XDH: variants seen among roughly 807,000 people sequenced by gnomAD.
The protein encoded by XDH is xanthine dehydrogenase.
Under a neutral mutation model 156.1 loss-of-function variants are expected in XDH, and 138 were observed. The ratio of observed to expected loss-of-function variants is 0.88; its 90% CI spans 0.77 to 1.02. The LOEUF is 1.02. Ranked by LOEUF, XDH falls within the 50% of genes least tolerant of loss-of-function variation. The pLI is 0.00. For synonymous variants in XDH, 669 were observed against 625.7 expected (o/e 1.07, Z -1.03); for missense variants, 1,849 against 1,684.9 (o/e 1.10, Z -1.71).
rs1553411636 is a variant in XDH at position 31,343,308 on chromosome 2, A to ATATATATATGCATGTT, written c.3405-1012_3405-1011insAACATGCATATATATA. ...ACCATATATATATATATATATATAT[A>ATATATATATGCATGTT]TATATATATATATATATATGCATGT... On this transcript the variant is annotated intron_variant, in intron 31 of 35. Transcript: ENST00000379416. Among the ~76,000 whole-genome samples the ATATATATATGCATGTT allele has an allele frequency of 2.5e-3, 242 of 98,468 alleles. 3 individuals carry two copies. The highest frequency in any genetic ancestry group is 6.8e-3 in the Middle Eastern group (1 of 148). 64.6% of individuals were successfully genotyped at this position (98,468 alleles called of 152,430 possible). A position where few individuals can be genotyped will look rare whatever the true frequency, so the allele number is the denominator to read the frequency against.
rs767352182 is a variant in XDH, at chr2:31,375,502, G to C, written c.1480C>G (p.Leu494Val). 1.4e-5 allele frequency: 23 copies of C among 1,613,976 alleles called. No individual in the cohort carries two copies. The highest frequency in any genetic ancestry group is 8.9e-5 in the East Asian group (4 of 44,890). Residue 494 changes from leucine (L) to valine (V), a missense_variant, in exon 15 of 36, where the codon CTG becomes GTG. Physicochemically the swap from Leu to Val is conservative, Grantham distance 32 (BLOSUM62 1). Coordinates refer to ENST00000379416, the MANE Select transcript of XDH (RefSeq NM_000379.4). ...QDVCAGLAEELHLPPDAPGGM... is the reference protein window; with the variant it reads ...QDVCAGLAEEVHLPPDAPGGM... Reference sequence around the variant, plus strand: ...CCAGGGGCATCGGGAGGCAGATGCAGCTCCTCTGCCAGTCCTGCACACACG... The same window carrying C: ...CCAGGGGCATCGGGAGGCAGATGCACCTCCTCTGCCAGTCCTGCACACACG...
At chr2:31,403,727 G>A (rs1687124510) in intron 2 of XDH, among the ~76,000 whole-genome samples, 1 of 152,042 alleles carries the variant, frequency 6.6e-6, no homozygotes, top group Non-Finnish European at 1.5e-5. Context: ...TTTAGGTCTG[G>A]GTCCAATATT....
chr2:31,406,291 T>C (rs576240204), intron 1 of XDH, among the ~76,000 whole-genome samples: 1 of 152,300 alleles, frequency 6.6e-6, no homozygotes, highest in South Asian at 2.1e-4. Context: ...ACTGGCCATG[T>C]GATGTGCCTG....
intron 13 of XDH, among the ~76,000 whole-genome samples, chr2:31,377,552 C>T (rs1007438167): frequency 6.6e-6 from 1 of 152,106 alleles, no homozygotes; most frequent in African/African-American, 2.4e-5. Context: ...AGGGTGCTTT[C>T]ACAAAGGCTC....
At chr2:31,374,574 G>C (rs1020581267) in intron 15 of XDH, among the ~76,000 whole-genome samples, 9 of 152,206 alleles carry the variant, frequency 5.9e-5, no homozygotes, top group African/African-American at 2.2e-4. Context: ...ATACTTGGCA[G>C]TGGTTTTCTC....
At chr2:31,378,528 G>A (rs1686341496) in intron 13 of XDH, among the ~76,000 whole-genome samples, 1 of 152,126 alleles carries the variant, frequency 6.6e-6, no homozygotes, top group South Asian at 2.1e-4. Context: ...AAGAAGCCAT[G>A]GAGCCCGCTC....
intron 14 of XDH, 57 bp downstream of exon 14, chr2:31,376,993 CAAT>C (rs1201313800): frequency 3.4e-5 from 54 of 1,598,866 alleles, no homozygotes; most frequent in Non-Finnish European, 4.4e-5. Context: ...GCAGCAGTAA[CAAT>C]GATACTATTA....
At chr2:31,402,859 C>A (rs1326857552) in intron 3 of XDH, among the ~76,000 whole-genome samples, 189 bp downstream of exon 3, 3 of 152,110 alleles carry the variant, frequency 2.0e-5, no homozygotes, top group Non-Finnish European at 4.4e-5. Flanking sequence ...GGAGCCTGGT[C>A]AATATTATAA....
intron 13 of XDH, among the ~76,000 whole-genome samples, chr2:31,378,097 A>G (rs1427862178): frequency 1.7e-5 from 1 of 59,394 alleles, no homozygotes; most frequent in African/African-American, 7.3e-5. Context: ...AAAGAAAGAA[A>G]GAAAGAAAGA....
chr2:31,410,903 A>T (rs1233866994), intron 1 of XDH, among the ~76,000 whole-genome samples: 2 of 152,216 alleles, frequency 1.3e-5, no homozygotes, highest in Non-Finnish European at 2.9e-5. Context: ...AGTATTGGGA[A>T]AATTGGAATA....
At chr2:31,338,488 C>A (rs767177768) in intron 34 of XDH, among the ~76,000 whole-genome samples, 1 of 152,096 alleles carries the variant, frequency 6.6e-6, no homozygotes, top group Non-Finnish European at 1.5e-5. Flanking sequence ...TAAAGTATGA[C>A]AGTCAATGGC....
At chr2:31,345,538 C>T (rs1477883445) in intron 30 of XDH, among the ~76,000 whole-genome samples, 1 of 152,192 alleles carries the variant, frequency 6.6e-6, no homozygotes, top group Non-Finnish European at 1.5e-5. Context: ...CGCTATTTAG[C>T]ACTTTGCATA....
At chr2:31,354,070 T>C (rs1685562869) in intron 24 of XDH, among the ~76,000 whole-genome samples, 1 of 152,142 alleles carries the variant, frequency 6.6e-6, no homozygotes, top group Non-Finnish European at 1.5e-5. Context: ...CACAAGCCAG[T>C]GGTAAAGAGG....
At chr2:31,364,321 TC>T in intron 23 of XDH, 77 bp from the exon 24 acceptor site, 1 of 1,407,712 alleles carries the variant, frequency 7.1e-7, no homozygotes. Context: ...TGATCCTCCC[TC>T]CCACTTATGT....
intron 12 of XDH, among the ~76,000 whole-genome samples, chr2:31,381,114 G>A (rs1686426945): frequency 6.6e-6 from 1 of 152,018 alleles, no homozygotes; most frequent in Non-Finnish European, 1.5e-5. Flanking sequence ...TCTTGACTCA[G>A]CCTCTCAAGG....
Position 31,405,932 on chromosome 2 carries a change from G to A in XDH, c.75C>T (p.Thr25=), listed in dbSNP as rs781399387. Reference sequence around the variant, plus strand: ...ACTTTCTTCTCAGGTAGGCCAAAAGGGTTGTCTCTGGATCTGCATTTTTCT... The same window carrying A: ...ACTTTCTTCTCAGGTAGGCCAAAAGAGTTGTCTCTGGATCTGCATTTTTCT... ...VVEKNADPET[T]LLAYLRRKLG... Residue 25 remains threonine, a synonymous_variant, in exon 2 of 36, where the codon ACC becomes ACT. Coordinates refer to ENST00000379416, the MANE Select transcript of XDH (RefSeq NM_000379.4). 1 of 1,613,886 alleles carries A rather than the reference G, an allele frequency of 6.2e-7. No individual in the cohort carries two copies. Among genetic ancestry groups the A allele is most frequent in the Admixed American group, 1.7e-5 (1 of 59,984 alleles).
intron 34 of XDH, 131 bp downstream of exon 34, chr2:31,339,358 C>G (rs1283706261): frequency 3.1e-6 from 4 of 1,300,446 alleles, no homozygotes; most frequent in Non-Finnish European, 3.3e-6. Flanking sequence ...AGGTCAGTGT[C>G]AAACCATCTT....
At position 31,364,138 on chromosome 2, in the gene XDH, C is replaced by G; in HGVS notation, c.2631+20G>C. 2 of 1,612,534 alleles carry G rather than the reference C, an allele frequency of 1.2e-6. No individual in the cohort carries two copies. Among genetic ancestry groups the G allele is most frequent in the Non-Finnish European group, 1.7e-6 (2 of 1,179,280 alleles). ...TCGAAGTCAGCTCTGGGTGCAGGGG[C>G]GGCTGCAGGTCCTACTCACACTCTG... On this transcript the variant is annotated intron_variant, in intron 24 of 35. Coordinates refer to ENST00000379416, the MANE Select transcript of XDH (RefSeq NM_000379.4).
At chr2:31,355,365 G>C (rs1685596167) in intron 24 of XDH, among the ~76,000 whole-genome samples, 1 of 152,078 alleles carries the variant, frequency 6.6e-6, no homozygotes, top group Non-Finnish European at 1.5e-5. Flanking sequence ...CAAAATCATG[G>C]GTACAAGCAG....
Sources: allele counts gnomAD v4.1 joint callset (sites outside exome capture counted in the v4.1 genomes callset), GRCh38; gene constraint gnomAD v4.1.1; transcripts MANE v1.5; gene names NCBI Gene and HGNC (gene_info 2026-07-23, HGNC 2026-07-21).